Variants in DST observed in about 807,000 individuals in gnomAD.
DST encodes bullous pemphigoid antigen.
DST carries 253 observed loss-of-function variants against 875.2 expected under a neutral mutation model. That is an observed-to-expected ratio of 0.29 (90% CI 0.26 to 0.32). The LOEUF is 0.32. DST is among the 10% of genes least tolerant of loss of function. The pLI is 1.00. For missense variants in DST, 8,287 were observed against 9,111.6 expected, an observed-to-expected ratio of 0.91 and a Z score of 3.68; for synonymous variants, 3,124 against 3,197.1, an observed-to-expected ratio of 0.98 and a Z score of 0.77.
At chr6:56,689,977 A>G (rs915159839) in intron 9 of DST, among the ~76,000 whole-genome samples, 1 of 152,208 alleles carries the variant, frequency 6.6e-6, no homozygotes, top group Admixed American at 6.5e-5. Flanking sequence ...TCCTTGAAAA[A>G]GGTACAAACA....
At position 56,469,015 on chromosome 6, in the gene DST, A is replaced by G; in HGVS notation, c.22552-16T>C. 1 of 1,568,996 alleles carries G rather than the reference A, an allele frequency of 6.4e-7. No individual in the cohort carries two copies. Reference sequence around the variant, plus strand: ...CCAGGAAGAACTGATAAAAATGAAAAATGGAAGAAAGACACAATTAGTTCA... The same window carrying G: ...CCAGGAAGAACTGATAAAAATGAAAGATGGAAGAAAGACACAATTAGTTCA... On this transcript the variant is annotated splice_polypyrimidine_tract_variant and intron_variant, in intron 97 of 103. Coordinates refer to ENST00000680361, the MANE Select transcript of DST (RefSeq NM_001374736.1).
intron 3 of DST, among the ~76,000 whole-genome samples, chr6:56,879,449 A>C (rs561654967): frequency 5.8e-4 from 88 of 151,100 alleles, no homozygotes; most frequent in Non-Finnish European, 9.3e-4. Flanking sequence ...CCACCCTGGG[A>C]GACAGAGCGA....
chr6:56,744,979 C>A (rs532742246), intron 4 of DST, among the ~76,000 whole-genome samples: 5 of 152,256 alleles, frequency 3.3e-5, no homozygotes, highest in Admixed American at 3.3e-4. Flanking sequence ...GTCAATCCAA[C>A]TTTCATCCAC....
chr6:56,726,784 T>TG (rs1285040773), intron 5 of DST, among the ~76,000 whole-genome samples: 1 of 152,164 alleles, frequency 6.6e-6, no homozygotes, highest in Non-Finnish European at 1.5e-5. Context: ...AGTATACTAG[T>TG]GGGAAAAAAA....
chr6:56,719,045 G>A (rs2099404979), intron 5 of DST, among the ~76,000 whole-genome samples: 1 of 152,146 alleles, frequency 6.6e-6, no homozygotes, highest in South Asian at 2.1e-4. Flanking sequence ...TTTATAATAT[G>A]TAAATTATCT....
chr6:56,552,917 G>C lies in DST; in HGVS notation c.15875C>G (p.Ala5292Gly). Residue 5292 changes from alanine (A) to glycine (G), a missense_variant, in exon 61 of 104, where the codon GCA becomes GGA. Physicochemically the swap from Ala to Gly is moderately conservative, Grantham distance 60. Coordinates refer to ENST00000680361, the MANE Select transcript of DST (RefSeq NM_001374736.1). ...SKESKRQLQC[A>G]KEQLDIHDSL... ...ATCATGGATATCTAGCTGCTCCTTT[G>C]CACACTGAAGCTGCCTTTTAGATTC... is the stretch of plus-strand genomic sequence containing the variant. 1.2e-6 allele frequency: 2 copies of C among 1,613,970 alleles called. No homozygotes were observed. The highest frequency in any genetic ancestry group is 1.7e-6 in the Non-Finnish European group (2 of 1,179,880).
intron 2 of DST, among the ~76,000 whole-genome samples, chr6:56,941,002 T>C (rs2127786233): frequency 6.6e-6 from 1 of 152,226 alleles, no homozygotes; most frequent in Non-Finnish European, 1.5e-5. Flanking sequence ...CATCTAAGAG[T>C]CTAATTTGGT....
At chr6:56,690,963 T>C (rs1330431840) in intron 9 of DST, among the ~76,000 whole-genome samples, 3 of 152,332 alleles carry the variant, frequency 2.0e-5, no homozygotes, top group Non-Finnish European at 4.4e-5. Flanking sequence ...CTTCAGATAA[T>C]ATAATGACTA....
chr6:56,940,569 CT>C (rs58560493), intron 2 of DST, among the ~76,000 whole-genome samples: 40 of 148,528 alleles, frequency 2.7e-4, no homozygotes, highest in South Asian at 1.5e-3. Flanking sequence ...TTCTCTTATC[CT>C]TTTTTTTTTC....
chr6:56,871,676 G>A (rs1458267211), intron 3 of DST: 4 of 707,950 alleles, frequency 5.7e-6, no homozygotes, highest in Admixed American at 5.4e-5. Flanking sequence ...AACCAGAAGA[G>A]GGGGTTGCCT....
chr6:56,493,977 C>A, intron 83 of DST, 33 bp downstream of exon 83: 1 of 1,461,194 alleles, frequency 6.8e-7, no homozygotes, highest in Non-Finnish European at 9.1e-7. Context: ...ACAACTAAAA[C>A]ACTGATTCTA....
intron 2 of DST, among the ~76,000 whole-genome samples, chr6:56,951,611 T>C (rs1308981414): frequency 6.6e-6 from 1 of 152,204 alleles, no homozygotes; most frequent in African/African-American, 2.4e-5. Flanking sequence ...GTAAGCAAAG[T>C]AGTGATGAAA....
At chr6:56,921,759 G>T (rs981943923) in intron 2 of DST, among the ~76,000 whole-genome samples, 4 of 151,122 alleles carry the variant, frequency 2.6e-5, no homozygotes, top group Admixed American at 1.3e-4. Flanking sequence ...ACTGGTGGGG[G>T]TGCAATCAAA....
At chr6:56,803,379 T>C (rs776196756) in intron 4 of DST, among the ~76,000 whole-genome samples, 3 of 151,594 alleles carry the variant, frequency 2.0e-5, no homozygotes, top group African/African-American at 4.8e-5. Context: ...ATATCTATCA[T>C]AGTGACACTA....
chr6:56,918,014 T>C (rs1018864952), intron 2 of DST, among the ~76,000 whole-genome samples: 4 of 152,222 alleles, frequency 2.6e-5, no homozygotes, highest in African/African-American at 9.7e-5. Context: ...TTAGTTCCTA[T>C]CATCTTGACT....
chr6:56,780,798 G>C (rs1180774601), intron 4 of DST, among the ~76,000 whole-genome samples: 5 of 151,762 alleles, frequency 3.3e-5, no homozygotes, highest in African/African-American at 4.8e-5. Context: ...TGAAGTCCTT[G>C]CCCATGCCTA....
At chr6:56,506,278 T>C (rs1162158501) in intron 77 of DST, among the ~76,000 whole-genome samples, 165 bp downstream of exon 77, 2 of 152,186 alleles carry the variant, frequency 1.3e-5, no homozygotes, top group Admixed American at 6.5e-5. Context: ...AGAAATATCT[T>C]CTAAAAGACA....
At chr6:56,926,568 G>A (rs1007034985) in intron 2 of DST, among the ~76,000 whole-genome samples, 1 of 152,196 alleles carries the variant, frequency 6.6e-6, no homozygotes, top group Non-Finnish European at 1.5e-5. Flanking sequence ...GGAAAGACCT[G>A]CTGGTCAGAG....
chr6:56,595,466 G>T (rs2098357910), intron 47 of DST, among the ~76,000 whole-genome samples: 1 of 152,074 alleles, frequency 6.6e-6, no homozygotes, highest in Non-Finnish European at 1.5e-5. Context: ...TCACTAACTA[G>T]TGTGCAAGGG....
Sources: allele counts gnomAD v4.1 joint callset (sites outside exome capture counted in the v4.1 genomes callset), GRCh38; gene constraint gnomAD v4.1.1; transcripts MANE v1.5; gene names NCBI Gene and HGNC (gene_info 2026-07-23, HGNC 2026-07-21).